Variants in PTPN14 observed in about 807,000 individuals in gnomAD.
PTPN14 encodes the protein tyrosine-protein phosphatase non-receptor type 14.
A neutral mutation model predicts 126.8 loss-of-function variants in PTPN14; 53 were observed. That is an observed-to-expected ratio of 0.42 (90% confidence interval 0.34 to 0.53). The LOEUF (loss-of-function observed/expected upper bound fraction) is 0.53, where lower values mean the gene tolerates loss of function less well. Ranked by LOEUF, PTPN14 falls within the 20% of genes least tolerant of loss-of-function variation. The probability of loss-of-function intolerance (pLI) is 0.08; values close to 1 mark genes in which losing one functional copy is unlikely to be tolerated. For synonymous variants in PTPN14, 630 were observed against 599.3 expected (o/e 1.05, Z -0.75); for missense variants, 1,257 against 1,552.9 (o/e 0.81, Z 3.20).
intron 2 of PTPN14, among the ~76,000 whole-genome samples, chr1:214,464,058 G>A (rs1170619365): frequency 3.3e-5 from 5 of 152,206 alleles, no homozygotes; most frequent in South Asian, 2.1e-4. Context: ...TCTCACAGAC[G>A]GCGTGAAGGC....
chr1:214,437,854 C>T (rs1359068125), intron 3 of PTPN14, among the ~76,000 whole-genome samples: 5 of 152,192 alleles, frequency 3.3e-5, no homozygotes, highest in African/African-American at 1.2e-4. Context: ...GCTGAAAAGA[C>T]ATCAGGATAC....
At chr1:214,395,634 C>CACAG (rs1658861013) in intron 8 of PTPN14, among the ~76,000 whole-genome samples, 2 of 147,386 alleles carry the variant, frequency 1.4e-5, no homozygotes, top group Non-Finnish European at 3.0e-5. Context: ...CACACACACA[C>CACAG]AGAGTTTCCT....
intron 1 of PTPN14, among the ~76,000 whole-genome samples, chr1:214,524,617 A>C (rs1455281981): frequency 6.6e-6 from 1 of 152,142 alleles, no homozygotes; most frequent in Non-Finnish European, 1.5e-5. Context: ...GTGCCACTGC[A>C]TTCCAGCCTG....
intron 18 of PTPN14, among the ~76,000 whole-genome samples, chr1:214,361,212 C>G (rs1315052251): frequency 1.3e-5 from 2 of 152,196 alleles, no homozygotes; most frequent in Non-Finnish European, 2.9e-5. Context: ...ACTGCAAAGG[C>G]TACTTGTGTT....
intron 2 of PTPN14, 113 bp downstream of exon 2, chr1:214,464,517 C>CA: frequency 7.1e-7 from 1 of 1,402,670 alleles, no homozygotes; most frequent in Non-Finnish European, 9.6e-7. Context: ...TCGCTTAGGC[C>CA]AAAAAACACA....
At chr1:214,375,357 C>T (rs900322061) in intron 15 of PTPN14, among the ~76,000 whole-genome samples, 1 of 152,188 alleles carries the variant, frequency 6.6e-6, no homozygotes, top group Admixed American at 6.5e-5. Context: ...GTTTCTAAGG[C>T]TATTGATCAC....
chr1:214,462,205 C>T (rs924816853), intron 2 of PTPN14, among the ~76,000 whole-genome samples: 1 of 152,176 alleles, frequency 6.6e-6, no homozygotes, highest in African/African-American at 2.4e-5. Flanking sequence ...AACCCCACCT[C>T]AGCAATGGAA....
intron 1 of PTPN14, among the ~76,000 whole-genome samples, chr1:214,549,512 T>C (rs894647486): frequency 1.3e-5 from 2 of 152,192 alleles, no homozygotes; most frequent in Admixed American, 6.5e-5. Context: ...AAAAAGGGCA[T>C]CATGCCATTC....
At chr1:214,435,126 T>C (rs930990694) in intron 3 of PTPN14, among the ~76,000 whole-genome samples, 4 of 152,198 alleles carry the variant, frequency 2.6e-5, no homozygotes, top group Non-Finnish European at 5.9e-5. Context: ...TTCATTCCCG[T>C]TATCAAAAGT....
chr1:214,419,020 G>A (rs1659484971), intron 3 of PTPN14, among the ~76,000 whole-genome samples: 1 of 152,154 alleles, frequency 6.6e-6, no homozygotes, highest in South Asian at 2.1e-4. Context: ...TCTAAATGCA[G>A]ATTTTTAAAA....
intron 4 of PTPN14, 22 bp downstream of exon 4, chr1:214,414,607 G>T: frequency 6.3e-7 from 1 of 1,588,810 alleles, no homozygotes; most frequent in South Asian, 1.1e-5. Context: ...AATTTCACAT[G>T]CTGCTCATAA....
intron 1 of PTPN14, among the ~76,000 whole-genome samples, chr1:214,501,493 C>A (rs1356258252): frequency 6.6e-6 from 1 of 152,078 alleles, no homozygotes; most frequent in African/African-American, 2.4e-5. Flanking sequence ...CCACCCTCCT[C>A]AGCCTCCCAA....
At chr1:214,544,846 G>C (rs899808649) in intron 1 of PTPN14, among the ~76,000 whole-genome samples, 2 of 151,652 alleles carry the variant, frequency 1.3e-5, no homozygotes, top group Non-Finnish European at 2.9e-5. Flanking sequence ...GAGGAGGGAA[G>C]AGGAGGTGAG....
At position 214,476,501 on chromosome 1, in the gene PTPN14, C is replaced by T. The variant is rs140220590; in HGVS notation, c.-154-11544G>A. On this transcript the variant is annotated intron_variant, in intron 1 of 18. Coordinates refer to ENST00000366956, the MANE Select transcript of PTPN14 (RefSeq NM_005401.5). The stretch of plus-strand genomic sequence containing the variant: ...CACCTTCCTTTCCCCCGTTTCCTTC[C>T]TCCCATGCCTGAGTGAGTTCCCTCA... Among the ~76,000 whole-genome samples the T allele has an allele frequency of 4.6e-5, 7 of 152,286 alleles. No individual in the cohort carries two copies. The East Asian group carries it at 1.4e-3, about 29-fold the overall frequency.
At position 214,376,166 on chromosome 1, in the gene PTPN14, T is replaced by C. The variant is rs1339037597; in HGVS notation, c.2907+53A>G. 4.6e-6 allele frequency: 7 copies of C among 1,525,904 alleles called. No homozygotes were observed. The East Asian group carries it at 9.0e-5, about 20-fold the overall frequency. 94.5% of individuals were successfully genotyped at this position (1,525,904 alleles called of 1,614,324 possible). A position where few individuals can be genotyped will look rare whatever the true frequency, so the allele number is the denominator to read the frequency against. On this transcript the variant is annotated intron_variant, in intron 15 of 18. Coordinates refer to ENST00000366956, the MANE Select transcript of PTPN14 (RefSeq NM_005401.5). ...ACACATTTTCTTCTCCCCGCATTTT[T>C]CCCTTTAACCCAGCCATCTTTACCA...
intron 3 of PTPN14, among the ~76,000 whole-genome samples, chr1:214,448,394 C>A (rs927051080): frequency 4.8e-5 from 5 of 103,130 alleles, no homozygotes; most frequent in Admixed American, 2.5e-4. Flanking sequence ...CCAAGCCGGG[C>A]TAATTTTTTT....
rs72757957 is a variant in PTPN14 at position 214,372,417 on chromosome 1, T to G, written c.3036+294A>C. On this transcript the variant is annotated intron_variant, in intron 16 of 18. Coordinates refer to ENST00000366956, the MANE Select transcript of PTPN14 (RefSeq NM_005401.5). ...AGTCAGCAGGTTGAACTAAAGTCTG[T>G]CATTTTTGGTTTTCTGTTGTTTTAT... 73,096 of 337,504 alleles carry G rather than the reference T, an allele frequency of 0.22. 9,219 individuals are homozygous for G. The highest frequency in any genetic ancestry group is 0.27 in the Non-Finnish European group (48,645 of 179,110). 20.9% of individuals were successfully genotyped at this position (337,504 alleles called of 1,614,324 possible).
At chr1:214,538,754 C>G (rs1216976446) in intron 1 of PTPN14, among the ~76,000 whole-genome samples, 1 of 152,108 alleles carries the variant, frequency 6.6e-6, no homozygotes, top group Non-Finnish European at 1.5e-5. Flanking sequence ...GTGGGGGAGA[C>G]AGAGGGCAGA....
chr1:214,391,008 T>G lies in PTPN14; in HGVS notation c.967A>C (p.Thr323Pro), dbSNP rs1230801309. The G allele has an allele frequency of 1.3e-6, 2 of 1,585,886 alleles. No individual in the cohort carries two copies. Among genetic ancestry groups the G allele is most frequent in the Non-Finnish European group, 1.7e-6 (2 of 1,160,628 alleles). Residue 323 changes from threonine to proline, a missense_variant, in exon 11 of 19, where the codon ACC becomes CCC. Thr to Pro is a conservative substitution (Grantham distance 38). Transcript: ENST00000366956. ...NSPPPIRRQP[T>P]WSRSSLPRQQ... The stretch of plus-strand genomic sequence containing the variant: ...CATACCAGAGAGGATCGGCTCCAGG[T>G]GGGCTGGCGTCTGATGGGGGGTGGA...
Sources: allele counts gnomAD v4.1 joint callset (sites outside exome capture counted in the v4.1 genomes callset), GRCh38; gene constraint gnomAD v4.1.1; transcripts MANE v1.5; gene names NCBI Gene and HGNC (gene_info 2026-07-23, HGNC 2026-07-21).